Variants in ATF7IP2 observed in about 807,000 individuals in gnomAD.
ATF7IP2 encodes activating transcription factor 7-interacting protein 2.
In ATF7IP2, 42 loss-of-function variants were observed where a neutral mutation model predicts 64.2. The ratio of observed to expected loss-of-function variants is 0.65; its 90% CI spans 0.51 to 0.85. The LOEUF is 0.85. Ranked by LOEUF, ATF7IP2 falls within the 40% of genes least tolerant of loss-of-function variation. ATF7IP2 has a pLI of 0.00. For missense variants in ATF7IP2, 933 were observed against 784.2 expected (o/e 1.19, Z -2.27); for synonymous variants, 308 against 272.8 (o/e 1.13, Z -1.27).
At chr16:10,422,672 A>G (rs115896878) in intron 3 of ATF7IP2, among the ~76,000 whole-genome samples, 2,734 of 132,632 alleles carry the variant, frequency 0.021, 75 homozygotes, top group African/African-American at 0.076. Flanking sequence ...TATCTACCAA[A>G]CTTTTAAATT....
At chr16:10,461,159 G>A (rs192804207) in intron 9 of ATF7IP2, among the ~76,000 whole-genome samples, 1 of 152,156 alleles carries the variant, frequency 6.6e-6, no homozygotes, top group African/African-American at 2.4e-5. Flanking sequence ...TTTCATATCA[G>A]GTAAGGAAAA....
intron 1 of ATF7IP2, among the ~76,000 whole-genome samples, chr16:10,413,966 G>A (rs2047820821): frequency 6.6e-6 from 1 of 152,056 alleles, no homozygotes; most frequent in African/African-American, 2.4e-5. Flanking sequence ...CATAAGATAG[G>A]TTTTCCTTTA....
intron 3 of ATF7IP2, among the ~76,000 whole-genome samples, chr16:10,428,062 A>G (rs192539827): frequency 5.1e-4 from 77 of 152,350 alleles, no homozygotes; most frequent in Non-Finnish European, 8.7e-4. Flanking sequence ...AAAATTAAAC[A>G]GTATATTTGT....
intron 9 of ATF7IP2, among the ~76,000 whole-genome samples, chr16:10,463,788 A>T (rs912754264): frequency 8.5e-5 from 13 of 152,244 alleles, no homozygotes; most frequent in African/African-American, 3.1e-4. Flanking sequence ...ATACAATACA[A>T]TATTTCAATC....
At position 10,473,517 on chromosome 16, in the gene ATF7IP2, C is replaced by T. The variant is rs779112414; in HGVS notation, c.1465C>T (p.Pro489Ser). Residue 489 changes from proline (P) to serine (S), a missense_variant, in exon 11 of 14, where the codon CCC (proline) becomes TCC (serine). Physicochemically the swap from Pro to Ser is moderately conservative, Grantham distance 74. Coordinates refer to ENST00000562102, the MANE Select transcript of ATF7IP2 (RefSeq NM_001393719.1). Reference sequence around the variant, plus strand: ...TACATCAGGAAATTCTAGCAATTCTCCCAATGCTGAAGTTATGGTGAGTAA... The same window carrying T: ...TACATCAGGAAATTCTAGCAATTCTTCCAATGCTGAAGTTATGGTGAGTAA... The part of the protein sequence containing the change: ...KITSGNSSNS[P>S]NAEVMAVQKK... 2 of 1,571,504 alleles carry T rather than the reference C, an allele frequency of 1.3e-6. No homozygotes were observed. The highest frequency in any genetic ancestry group is 1.7e-6 in the Non-Finnish European group (2 of 1,147,196).
chr16:10,392,842 G>A (rs1037397024), intron 1 of ATF7IP2, among the ~76,000 whole-genome samples: 1 of 150,478 alleles, frequency 6.6e-6, no homozygotes, highest in East Asian at 2.0e-4. Context: ...AAAAAAATTA[G>A]CTGGGTGTGA....
At chr16:10,478,718 A>G (rs1190946420) in intron 12 of ATF7IP2, among the ~76,000 whole-genome samples, 1 of 152,218 alleles carries the variant, frequency 6.6e-6, no homozygotes, top group African/African-American at 2.4e-5. Context: ...TGAACAGGCA[A>G]CCTACAAAAT....
intron 13 of ATF7IP2, 39 bp from the exon 14 acceptor site, chr16:10,481,797 C>G (rs764435242): frequency 1.1e-5 from 16 of 1,482,882 alleles, no homozygotes; most frequent in Non-Finnish European, 1.4e-5. Flanking sequence ...TGCAATTGAC[C>G]ACTTTAAAAG....
intron 8 of ATF7IP2, chr16:10,457,170 C>T (rs1165666689): frequency 1.0e-5 from 5 of 483,808 alleles, no homozygotes; most frequent in Non-Finnish European, 1.8e-5. Context: ...TGATGTATAC[C>T]ATCATTTTTA....
intron 8 of ATF7IP2, chr16:10,445,716 A>C (rs946007754): frequency 3.3e-5 from 5 of 152,242 alleles, no homozygotes; most frequent in African/African-American, 1.2e-4. Flanking sequence ...TATGTTGGTC[A>C]GGCTGGTCTC....
At chr16:10,451,129 G>A (rs2048970918) in intron 8 of ATF7IP2, among the ~76,000 whole-genome samples, 1 of 152,228 alleles carries the variant, frequency 6.6e-6, no homozygotes, top group Admixed American at 6.5e-5. Flanking sequence ...CTTTAAAAAT[G>A]TTGAATATTG....
intron 1 of ATF7IP2, among the ~76,000 whole-genome samples, chr16:10,391,908 G>C (rs570073487): frequency 5.3e-4 from 79 of 149,672 alleles, no homozygotes; most frequent in Middle Eastern, 7.0e-3. Flanking sequence ...AAAAAAAAAA[G>C]AAAAGGAGGG....
chr16:10,457,372 G>T lies in ATF7IP2; in HGVS notation c.1195G>T (p.Val399Phe). Reference protein sequence around the residue: ...NMLSSNGASKVANSEAMILDK... With the variant: ...NMLSSNGASKFANSEAMILDK... ...TGCTTTTTTCTCACCTATTTAATAG[G>T]TTGCAAATTCAGAGGCTATGATTTT... The change falls in exon 9 of 14, where the codon GTT becomes TTT. Residue 399 changes from valine (V) to phenylalanine (F), a missense_variant and splice_region_variant. Transcript: ENST00000562102. 6.3e-7 allele frequency: 1 copy of T among 1,599,410 alleles called. No homozygotes were observed. Among genetic ancestry groups the T allele is most frequent in the Non-Finnish European group, 8.5e-7 (1 of 1,175,924 alleles).
chr16:10,475,852 C>G (rs1223079573), intron 12 of ATF7IP2, among the ~76,000 whole-genome samples: 1 of 151,706 alleles, frequency 6.6e-6, no homozygotes, highest in Non-Finnish European at 1.5e-5. Flanking sequence ...CATTGAAAAG[C>G]ATTGTTTGAC....
intron 8 of ATF7IP2, among the ~76,000 whole-genome samples, chr16:10,441,826 A>G (rs545864689): frequency 9.9e-5 from 15 of 152,190 alleles, no homozygotes; most frequent in South Asian, 2.1e-4. Context: ...GCCCATTCCT[A>G]TGTCCTGTAT....
intron 1 of ATF7IP2, among the ~76,000 whole-genome samples, chr16:10,407,229 C>T (rs139101246): frequency 2.5e-4 from 38 of 152,224 alleles, no homozygotes; most frequent in African/African-American, 7.9e-4. Flanking sequence ...TGTATCTCAA[C>T]GTAATAAAAG....
chr16:10,443,395 G>C (rs1377510584), intron 8 of ATF7IP2, among the ~76,000 whole-genome samples: 1 of 152,148 alleles, frequency 6.6e-6, no homozygotes, highest in African/African-American at 2.4e-5. Context: ...CCAGGCTGTG[G>C]GGTGCTAGAA....
At chr16:10,445,248 A>C (rs1001308053) in intron 8 of ATF7IP2, 2 of 152,132 alleles carry the variant, frequency 1.3e-5, no homozygotes, top group Non-Finnish European at 2.9e-5. Flanking sequence ...CTTTGGTCTG[A>C]TAATACCCAT....
chr16:10,431,852 C>G (rs1480564093), intron 5 of ATF7IP2, among the ~76,000 whole-genome samples: 2 of 125,176 alleles, frequency 1.6e-5, no homozygotes, highest in Non-Finnish European at 3.1e-5. Context: ...GAGACGGAGT[C>G]TCGCTCTGTC....
Sources: allele counts gnomAD v4.1 joint callset (sites outside exome capture counted in the v4.1 genomes callset), GRCh38; gene constraint gnomAD v4.1.1; transcripts MANE v1.5; gene names NCBI Gene and HGNC (gene_info 2026-07-23, HGNC 2026-07-21).